TSHR: variants seen among roughly 807,000 people sequenced by gnomAD.
TSHR encodes thyrotropin receptor.
In TSHR, 51 loss-of-function variants were observed where a neutral mutation model predicts 64.1. The observed-to-expected ratio is 0.80, with a 90% CI of 0.64 to 1.01. The LOEUF (loss-of-function observed/expected upper bound fraction) is 1.01. TSHR is among the 50% of genes least tolerant of loss of function. The pLI, the probability that TSHR is intolerant of heterozygous loss-of-function variation, is 0.00. For missense variants in TSHR, 877 were observed against 942.8 expected, an observed-to-expected ratio of 0.93 and a Z score of 0.91; for synonymous variants, 361 against 361.9, an observed-to-expected ratio of 1.00 and a Z score of 0.03.
At chr14:81,037,934 C>CAAAAAA (rs561276007) in intron 1 of TSHR, among the ~76,000 whole-genome samples, 4,457 of 142,374 alleles carry the variant, frequency 0.031, 167 homozygotes, top group South Asian at 0.15. Context: ...TGAAAATCAG[C>CAAAAAA]AAAAAAAAAA....
At chr14:81,065,329 A>G (rs1886534846) in intron 2 of TSHR, among the ~76,000 whole-genome samples, 1 of 152,190 alleles carries the variant, frequency 6.6e-6, no homozygotes, top group Non-Finnish European at 1.5e-5. Flanking sequence ...AGGTAAACTA[A>G]TAGGCTTATT....
At chr14:80,999,573 C>T (rs7149747) in intron 1 of TSHR, among the ~76,000 whole-genome samples, 20,609 of 152,024 alleles carry the variant, frequency 0.14, 1,730 homozygotes, top group East Asian at 0.38. Context: ...CAATTCACAT[C>T]GATAATTAAA....
chr14:81,020,825 G>C (rs1168441349), intron 1 of TSHR, among the ~76,000 whole-genome samples: 2 of 152,194 alleles, frequency 1.3e-5, no homozygotes, highest in African/African-American at 4.8e-5. Context: ...CTGGATTGAA[G>C]TCAAGGCAGA....
intron 3 of TSHR, among the ~76,000 whole-genome samples, chr14:81,085,819 A>G (rs1466427497): frequency 6.6e-6 from 1 of 152,120 alleles, no homozygotes; most frequent in Admixed American, 6.6e-5. Flanking sequence ...CCCCCAATGG[A>G]AAGCTCTGGC....
intron 1 of TSHR, among the ~76,000 whole-genome samples, chr14:80,967,378 G>A (rs1356743468): frequency 1.3e-5 from 2 of 148,472 alleles, no homozygotes; most frequent in Non-Finnish European, 3.0e-5. Context: ...CTGCACCTCC[G>A]GATTCAAGCA....
At chr14:81,133,047 A>C (rs567422674) in intron 8 of TSHR, among the ~76,000 whole-genome samples, 7 of 152,328 alleles carry the variant, frequency 4.6e-5, no homozygotes, top group African/African-American at 7.2e-5. Flanking sequence ...ATTCTCCGAC[A>C]ACTCCAGAAT....
In TSHR at chr14:81,130,719, C is replaced by T. The variant is rs1313484916; in HGVS notation, c.693-8960C>T. Among the ~76,000 whole-genome samples, 4 of 90,954 alleles carry T rather than the reference C, an allele frequency of 4.4e-5. 1 individual carries two copies. The highest frequency in any genetic ancestry group is 3.4e-4 in the East Asian group (1 of 2,942). 59.7% of individuals were successfully genotyped at this position (90,954 alleles called of 152,430 possible). Reference sequence around the variant, plus strand: ...TATAAAACACTGCTTGGGCCGGGCGCGGTGGCTCACGCCTGTAATCCCAGC... The same window carrying T: ...TATAAAACACTGCTTGGGCCGGGCGTGGTGGCTCACGCCTGTAATCCCAGC... On this transcript the variant is annotated intron_variant, in intron 8 of 9. Transcript: ENST00000298171.
intron 8 of TSHR, among the ~76,000 whole-genome samples, chr14:81,131,173 T>A (rs184936002): frequency 6.6e-6 from 1 of 152,292 alleles, no homozygotes; most frequent in Admixed American, 6.5e-5. Context: ...AGCTGCAGAC[T>A]AGAAATCTTG....
intron 1 of TSHR, among the ~76,000 whole-genome samples, chr14:81,020,500 G>A (rs930537960): frequency 6.6e-6 from 1 of 152,168 alleles, no homozygotes; most frequent in African/African-American, 2.4e-5. Context: ...CACATGCGAG[G>A]GACCTAGACT....
intron 1 of TSHR, among the ~76,000 whole-genome samples, chr14:80,986,432 G>C (rs767036994): frequency 6.6e-6 from 1 of 152,082 alleles, no homozygotes; most frequent in African/African-American, 2.4e-5. Flanking sequence ...GCTATTATAC[G>C]TAGCTAACTC....
chr14:81,141,397 C>T (rs1784775969), intron 9 of TSHR, among the ~76,000 whole-genome samples: 1 of 152,210 alleles, frequency 6.6e-6, no homozygotes, highest in Non-Finnish European at 1.5e-5. Context: ...CTCTGCTCAG[C>T]AGCTGAGGCA....
chr14:81,136,082 G>A (rs1402731982), intron 8 of TSHR, among the ~76,000 whole-genome samples: 1 of 152,182 alleles, frequency 6.6e-6, no homozygotes. Flanking sequence ...AGACTACAGA[G>A]GTAGTCCAGT....
chr14:80,967,267 G>C (rs1002599842), intron 1 of TSHR, among the ~76,000 whole-genome samples: 2 of 146,256 alleles, frequency 1.4e-5, no homozygotes. Flanking sequence ...ACACACACAA[G>C]CAAGACCTGA....
intron 8 of TSHR, among the ~76,000 whole-genome samples, chr14:81,113,718 C>A (rs563203779): frequency 1.3e-5 from 2 of 152,194 alleles, no homozygotes; most frequent in East Asian, 1.9e-4. Flanking sequence ...GAGAGCTGCA[C>A]GCTAAGTACT....
chr14:81,022,214 G>T (rs1883800058), intron 1 of TSHR, among the ~76,000 whole-genome samples: 1 of 152,010 alleles, frequency 6.6e-6, no homozygotes, highest in Admixed American at 6.6e-5. Context: ...AGCTTGCAGT[G>T]AGCCGAGATA....
At chr14:81,076,202 A>T (rs1055557348) in intron 3 of TSHR, among the ~76,000 whole-genome samples, 2 of 152,022 alleles carry the variant, frequency 1.3e-5, no homozygotes, top group African/African-American at 4.8e-5. Context: ...TCTTATTCAT[A>T]CCTCTTCCCT....
chr14:80,986,450 A>G (rs1888451186), intron 1 of TSHR, among the ~76,000 whole-genome samples: 2 of 151,698 alleles, frequency 1.3e-5, no homozygotes, highest in South Asian at 2.1e-4. Context: ...CTCACTGTAT[A>G]TTTCCTCATT....
intron 2 of TSHR, among the ~76,000 whole-genome samples, chr14:81,063,047 T>C (rs936057051): frequency 2.6e-5 from 4 of 152,164 alleles, no homozygotes; most frequent in African/African-American, 9.6e-5. Flanking sequence ...TGAAGGTTGC[T>C]GCCGAACATT....
At chr14:80,989,824 C>T (rs1480572087) in intron 1 of TSHR, among the ~76,000 whole-genome samples, 7 of 152,100 alleles carry the variant, frequency 4.6e-5, no homozygotes, top group Admixed American at 3.9e-4. Context: ...CTGTATTTTA[C>T]AGCTAAGGGA....
Sources: gnomAD v4.1 joint callset for allele counts (sites outside exome capture counted in the v4.1 genomes callset) on GRCh38, gnomAD v4.1.1 for gene constraint, MANE v1.5 for transcripts, NCBI Gene and HGNC (gene_info 2026-07-23, HGNC 2026-07-21) for gene names.